Variants in NDST4 observed in about 807,000 individuals in gnomAD.
NDST4 encodes N-heparan sulfate sulfotransferase 4.
A neutral mutation model predicts 100.8 loss-of-function variants in NDST4; 63 were observed. The observed-to-expected ratio is 0.62, with a 90% CI of 0.51 to 0.77. NDST4 has a LOEUF of 0.77. Ranked by LOEUF, NDST4 falls within the 30% of genes least tolerant of loss-of-function variation. The pLI is 0.00. For synonymous variants in NDST4, 377 were observed against 361.8 expected, an observed-to-expected ratio of 1.04 and a Z score of -0.48; for missense variants, 943 against 1,018.4, an observed-to-expected ratio of 0.93 and a Z score of 1.01.
At chr4:114,864,933 TC>T in intron 7 of NDST4, among the ~76,000 whole-genome samples, 1 of 152,334 alleles carries the variant, frequency 6.6e-6, no homozygotes, top group East Asian at 1.9e-4. Context: ...TAAATGTCTA[TC>T]TATTCTTCAC....
intron 2 of NDST4, among the ~76,000 whole-genome samples, chr4:115,041,798 AACAT>A (rs1401419704): frequency 3.8e-4 from 58 of 152,068 alleles, no homozygotes; most frequent in Admixed American, 5.9e-4. Flanking sequence ...AAGTTTTCTC[AACAT>A]ACATTCAGGA....
At chr4:114,912,428 A>G (rs558018400) in intron 6 of NDST4, among the ~76,000 whole-genome samples, 12 of 152,266 alleles carry the variant, frequency 7.9e-5, no homozygotes, top group South Asian at 2.1e-4. Context: ...ATTCTCCCCA[A>G]TTACACATAT....
chr4:115,099,654 A>G (rs1600397), intron 1 of NDST4, among the ~76,000 whole-genome samples: 10,200 of 152,226 alleles, frequency 0.067, 501 homozygotes, highest in African/African-American at 0.13. Flanking sequence ...ATCTAAAACA[A>G]TGACAACACT....
At chr4:114,929,849 T>A (rs1725476021) in intron 6 of NDST4, among the ~76,000 whole-genome samples, 1 of 152,170 alleles carries the variant, frequency 6.6e-6, no homozygotes, top group South Asian at 2.1e-4. Flanking sequence ...ATAATCCATG[T>A]CTTTATTGAC....
At position 114,934,620 on chromosome 4, in the gene NDST4, A is replaced by T. The variant is rs181363479; in HGVS notation, c.1536+586T>A. The stretch of plus-strand genomic sequence containing the variant: ...AAAAGTTGAACTCATAGATCCAGAG[A>T]GTAGGATGCCAGTGGCTGGGGGAAA... On this transcript the variant is annotated intron_variant, in intron 6 of 13. Coordinates refer to ENST00000264363, the MANE Select transcript of NDST4 (RefSeq NM_022569.3). Among the ~76,000 whole-genome samples, 554 of 151,966 alleles carry T rather than the reference A, an allele frequency of 3.6e-3. 1 individual carries two copies. Among genetic ancestry groups the T allele is most frequent in the Non-Finnish European group, 6.4e-3 (438 of 67,962 alleles).
At chr4:114,921,341 C>A (rs1725281772) in intron 6 of NDST4, among the ~76,000 whole-genome samples, 1 of 152,078 alleles carries the variant, frequency 6.6e-6, no homozygotes, top group Admixed American at 6.5e-5. Flanking sequence ...ACTGATACCA[C>A]AAGAATAGTT....
chr4:115,100,243 C>T (rs1191165876), intron 1 of NDST4, among the ~76,000 whole-genome samples: 2 of 151,838 alleles, frequency 1.3e-5, no homozygotes, highest in East Asian at 3.9e-4. Flanking sequence ...AAAATTAATA[C>T]ATAATTAAAA....
chr4:114,958,721 G>C lies in NDST4; in HGVS notation c.1221+11709C>G, dbSNP rs145103411. Among the ~76,000 whole-genome samples, 30 of 152,250 alleles carry C rather than the reference G, an allele frequency of 2.0e-4. No homozygotes were observed. In the East Asian group the frequency reaches 5.2e-3, roughly 27 times the overall value. On this transcript the variant is annotated intron_variant, in intron 4 of 13. Coordinates refer to ENST00000264363, the MANE Select transcript of NDST4 (RefSeq NM_022569.3). ...AGGTACTGGAGACGTTTTCCCCATT[G>C]TCTTGGTGATTAGCATTTGGTTCCT...
intron 7 of NDST4, among the ~76,000 whole-genome samples, chr4:114,870,101 T>C (rs1187514909): frequency 6.6e-6 from 1 of 152,058 alleles, no homozygotes; most frequent in Non-Finnish European, 1.5e-5. Context: ...GGCAAGAAAA[T>C]GGGAGGCAAC....
At chr4:115,051,641 C>T (rs1296753883) in intron 2 of NDST4, among the ~76,000 whole-genome samples, 3 of 152,074 alleles carry the variant, frequency 2.0e-5, no homozygotes, top group Non-Finnish European at 4.4e-5. Flanking sequence ...ATATGTAGCA[C>T]ATTTTCTTTA....
At chr4:115,045,606 T>C (rs1728448419) in intron 2 of NDST4, among the ~76,000 whole-genome samples, 1 of 152,178 alleles carries the variant, frequency 6.6e-6, no homozygotes, top group Non-Finnish European at 1.5e-5. Flanking sequence ...TAGACTGATA[T>C]TGAACAACAG....
At chr4:115,073,288 A>G (rs546883534) in intron 2 of NDST4, among the ~76,000 whole-genome samples, 1 of 152,050 alleles carries the variant, frequency 6.6e-6, no homozygotes, top group Admixed American at 6.6e-5. Context: ...TGGAACTACC[A>G]TATGATCTAG....
chr4:115,041,600 ATGT>A (rs1160704488), intron 2 of NDST4, among the ~76,000 whole-genome samples: 1 of 152,158 alleles, frequency 6.6e-6, no homozygotes, highest in Non-Finnish European at 1.5e-5. Flanking sequence ...TGAAATATGA[ATGT>A]AAAGAAAAAA....
intron 4 of NDST4, among the ~76,000 whole-genome samples, chr4:114,938,288 T>C (rs988858810): frequency 1.3e-5 from 2 of 152,200 alleles, no homozygotes; most frequent in African/African-American, 4.8e-5. Flanking sequence ...GTTTTGAACC[T>C]TAACAACTCA....
chr4:115,055,951 CTG>C (rs1728684730), intron 2 of NDST4, among the ~76,000 whole-genome samples: 1 of 152,050 alleles, frequency 6.6e-6, no homozygotes, highest in African/African-American at 2.4e-5. Flanking sequence ...TAAATTATCA[CTG>C]TGTGTCATAT....
In NDST4 at chr4:114,845,997, C is replaced by A; in HGVS notation, c.1941G>T (p.Trp647Cys). The A allele has an allele frequency of 1.9e-6, 3 of 1,577,264 alleles. No homozygotes were observed. Among genetic ancestry groups the A allele is most frequent in the Non-Finnish European group, 1.7e-6 (2 of 1,154,310 alleles). Residue 647 changes from tryptophan to cysteine, a missense_variant and splice_region_variant, in exon 10 of 14, where the codon TGG becomes TGT. Transcript: ENST00000264363. ...NGNNYHKGID[W>C]YMDFFPTPSN... The stretch of plus-strand genomic sequence containing the variant: ...ATGGTGTAGGGAAAAAGTCCATATA[C>A]CTGAAGGCAGAGAAAGACAATTAAT...
chr4:115,013,413 C>T (rs1727604499), intron 2 of NDST4, among the ~76,000 whole-genome samples: 1 of 133,116 alleles, frequency 7.5e-6, no homozygotes, highest in African/African-American at 2.7e-5. Context: ...GAAATTAAAA[C>T]TTAAAAACTT....
At chr4:115,087,618 T>A (rs767064544) in intron 1 of NDST4, among the ~76,000 whole-genome samples, 1 of 151,920 alleles carries the variant, frequency 6.6e-6, no homozygotes, top group Non-Finnish European at 1.5e-5. Context: ...TATGTAACAA[T>A]GTTGCGATTT....
At chr4:115,099,428 T>A (rs1329763533) in intron 1 of NDST4, among the ~76,000 whole-genome samples, 1 of 152,086 alleles carries the variant, frequency 6.6e-6, no homozygotes. Flanking sequence ...GATAAAGAAC[T>A]GTTTTCCAAA....
Sources: allele counts gnomAD v4.1 joint callset (sites outside exome capture counted in the v4.1 genomes callset), GRCh38; gene constraint gnomAD v4.1.1; transcripts MANE v1.5; gene names NCBI Gene and HGNC (gene_info 2026-07-23, HGNC 2026-07-21).